Variants in STK3 observed in about 807,000 individuals in gnomAD.
STK3 encodes the protein serine/threonine-protein kinase 3.
STK3 carries 41 observed loss-of-function variants against 58.0 expected under a neutral mutation model. The observed-to-expected ratio is 0.71, with a 90% confidence interval of 0.55 to 0.92. The LOEUF (loss-of-function observed/expected upper bound fraction) is 0.92. STK3 is among the 40% of genes least tolerant of loss of function. The probability of loss-of-function intolerance (pLI) is 0.00; values close to 1 mark genes in which losing one functional copy is unlikely to be tolerated. For missense variants in STK3, 479 were observed against 602.7 expected (o/e 0.79, Z 2.15); for synonymous variants, 170 against 191.0 (o/e 0.89, Z 0.91).
intron 8 of STK3, among the ~76,000 whole-genome samples, chr8:98,570,152 A>G (rs1812846169): frequency 6.6e-6 from 1 of 150,888 alleles, no homozygotes; most frequent in African/African-American, 2.4e-5. Context: ...AGAGATAAAG[A>G]GAGTCTCACT....
intron 6 of STK3, chr8:98,598,174 A>G: frequency 1.0e-6 from 1 of 985,422 alleles, no homozygotes; most frequent in Non-Finnish European, 1.2e-6. Context: ...AAACTGGTGG[A>G]TAACACAATG....
chr8:98,885,747 G>GT (rs1837965469), intron 1 of STK3, among the ~76,000 whole-genome samples: 1 of 152,060 alleles, frequency 6.6e-6, no homozygotes, highest in African/African-American at 2.4e-5. Context: ...GCTGATTTCG[G>GT]TTTTTATTTA....
intron 1 of STK3, among the ~76,000 whole-genome samples, chr8:98,795,825 ACAATACAATAC>A (rs1299937766): frequency 6.8e-6 from 1 of 146,604 alleles, no homozygotes; most frequent in African/African-American, 2.7e-5. Flanking sequence ...ACAATACAAT[ACAATACAATAC>A]AATACAATAC....
downstream of STK3, chr8:98,881,590 T>C (rs916742283): frequency 3.3e-5 from 5 of 152,198 alleles, no homozygotes; most frequent in Non-Finnish European, 7.3e-5. Flanking sequence ...TAATGCAAGA[T>C]ATTAATCATC....
At chr8:98,547,874 GT>G in intron 9 of STK3, 94 bp downstream of exon 9, 1 of 1,157,818 alleles carries the variant, frequency 8.6e-7, no homozygotes, top group Non-Finnish European at 1.1e-6. Flanking sequence ...ATTTTCCACA[GT>G]TGGCTATAAA....
intron 3 of STK3, among the ~76,000 whole-genome samples, chr8:98,843,101 A>C (rs1402543583): frequency 6.6e-6 from 1 of 151,246 alleles, no homozygotes; most frequent in African/African-American, 2.4e-5. Context: ...AGCCCAGAAC[A>C]TAACCATTTT....
chr8:98,428,447 C>A lies in STK3; in HGVS notation n.483+5680G>T, dbSNP rs199526084. ...TCGATGAGATCCTTGCCTTCTACAA[C>A]GACGCCTCCAAGTTCGATGGGCAGC... On this transcript the variant is annotated intron_variant and non_coding_transcript_variant, in intron 3 of 3. Coordinates refer to the STK3 transcript ENST00000517832. The surrounding 1 kb of genome is among the most constrained non-coding windows in gnomAD (Gnocchi z 6.7). The A allele has an allele frequency of 6.2e-7, 1 of 1,613,996 alleles. No homozygotes were observed. The highest frequency in any genetic ancestry group is 1.3e-5 in the African/African-American group (1 of 74,926).
chr8:98,382,013 T>C (rs980691806), intron 1 of STK3, among the ~76,000 whole-genome samples: 11 of 152,334 alleles, frequency 7.2e-5, no homozygotes, highest in African/African-American at 2.4e-4. Context: ...CCACTTAAAT[T>C]TTGTGCCCAA....
intron 3 of STK3, among the ~76,000 whole-genome samples, chr8:98,765,941 C>T (rs190842542): frequency 6.6e-6 from 1 of 152,344 alleles, no homozygotes; most frequent in East Asian, 1.9e-4. Flanking sequence ...AACTATCCAA[C>T]CTCATTTCAT....
intron 1 of STK3, chr8:98,438,928 AG>A (rs1361130481): frequency 1.3e-5 from 2 of 152,256 alleles, no homozygotes; most frequent in African/African-American, 4.8e-5. Flanking sequence ...GTGGAATGGA[AG>A]GGGACAGCCT....
chr8:98,603,880 C>T (rs71514994), intron 6 of STK3, among the ~76,000 whole-genome samples: 5,928 of 152,210 alleles, frequency 0.039, 163 homozygotes, highest in Middle Eastern at 0.11. Flanking sequence ...TTCTAATCCC[C>T]GGACTTGTGA....
intron 4 of STK3, among the ~76,000 whole-genome samples, chr8:98,729,954 A>T (rs1828056350): frequency 6.6e-6 from 1 of 152,148 alleles, no homozygotes; most frequent in Non-Finnish European, 1.5e-5. Context: ...TCCATTTCTC[A>T]TCTGGAAAAT....
At chr8:98,720,594 C>T (rs1293327056) in intron 4 of STK3, among the ~76,000 whole-genome samples, 1 of 151,632 alleles carries the variant, frequency 6.6e-6, no homozygotes, top group Non-Finnish European at 1.5e-5. Flanking sequence ...ACCAAAAGTA[C>T]AAAAAAATTA....
At chr8:98,602,352 C>T (rs1816418120) in intron 6 of STK3, 1 of 152,200 alleles carries the variant, frequency 6.6e-6, no homozygotes, top group South Asian at 2.1e-4. Flanking sequence ...AAACAAGTCC[C>T]CACAGAACCA....
At chr8:98,534,608 T>C (rs1425096227) in intron 9 of STK3, among the ~76,000 whole-genome samples, 1 of 152,184 alleles carries the variant, frequency 6.6e-6, no homozygotes, top group Admixed American at 6.5e-5. Flanking sequence ...AAAATAGAAA[T>C]TGGTTAATTT....
intron 3 of STK3, among the ~76,000 whole-genome samples, chr8:98,424,878 C>T (rs1586555933): frequency 6.6e-6 from 1 of 152,132 alleles, no homozygotes; most frequent in Admixed American, 6.5e-5. Flanking sequence ...CAGAAGGGGG[C>T]TGTGAGCTCT....
At chr8:98,413,945 A>G (rs1818086512) in intron 3 of STK3, among the ~76,000 whole-genome samples, 1 of 152,166 alleles carries the variant, frequency 6.6e-6, no homozygotes, top group South Asian at 2.1e-4. Context: ...TGGTACTGAG[A>G]CCTGAAAACC....
At chr8:98,620,504 AG>A (rs1254172526) in intron 6 of STK3, among the ~76,000 whole-genome samples, 1 of 149,252 alleles carries the variant, frequency 6.7e-6, no homozygotes, top group Non-Finnish European at 1.5e-5. Flanking sequence ...ATAAATAAAA[AG>A]GTCAACATCA....
chr8:98,436,000 C>T lies in STK3; in HGVS notation n.291+1103G>A, dbSNP rs73273965. On this transcript the variant is annotated intron_variant and non_coding_transcript_variant, in intron 2 of 3. Transcript: ENST00000517832. ...CACTTCCTTGTGTTTTCTCTGTGAC[C>T]GGCCTCTGTTCCCACCACCCTTTTG... Among the ~76,000 whole-genome samples the T allele has an allele frequency of 5.7e-3, 874 of 152,220 alleles. 8 individuals are homozygous for T. The highest frequency in any genetic ancestry group is 0.02 in the African/African-American group (836 of 41,524).
Sources: allele counts gnomAD v4.1 joint callset (sites outside exome capture counted in the v4.1 genomes callset), GRCh38; gene constraint gnomAD v4.1.1; non-coding constraint Gnocchi (gnomAD v3.1); transcripts MANE v1.5; gene names NCBI Gene and HGNC (gene_info 2026-07-23, HGNC 2026-07-21).